The following GPC6 variants were observed in gnomAD, a reference collection of about 807,000 sequenced individuals.
GPC6 encodes glypican-6.
A neutral mutation model predicts 55.2 loss-of-function variants in GPC6; 14 were observed. The ratio of observed to expected loss-of-function variants is 0.25; its 90% CI spans 0.17 to 0.40. GPC6 has a LOEUF of 0.40. GPC6 is among the 10% of genes least tolerant of loss of function. The pLI is 1.00. For missense variants in GPC6, 641 were observed against 708.5 expected, an observed-to-expected ratio of 0.90 and a Z score of 1.08; for synonymous variants, 278 against 259.6, an observed-to-expected ratio of 1.07 and a Z score of -0.68.
At chr13:93,661,416 T>C (rs1304765860) in intron 2 of GPC6, among the ~76,000 whole-genome samples, 1 of 152,000 alleles carries the variant, frequency 6.6e-6, no homozygotes, top group East Asian at 1.9e-4. Context: ...TATTCACCAT[T>C]TTGGCCAGGC....
chr13:93,476,454 A>G (rs1038145740), intron 1 of GPC6, among the ~76,000 whole-genome samples: 2 of 152,134 alleles, frequency 1.3e-5, no homozygotes, highest in Non-Finnish European at 2.9e-5. Flanking sequence ...AAGTTGCCCA[A>G]CTTGTTTCAA....
intron 2 of GPC6, among the ~76,000 whole-genome samples, chr13:93,722,787 C>T (rs1404061686): frequency 6.6e-6 from 1 of 151,902 alleles, no homozygotes; most frequent in Non-Finnish European, 1.5e-5. Flanking sequence ...TCTGTTCCCT[C>T]TGTTCCATTC....
intron 2 of GPC6, among the ~76,000 whole-genome samples, chr13:93,636,594 G>T (rs1440760877): frequency 1.3e-5 from 2 of 152,112 alleles, no homozygotes; most frequent in African/African-American, 2.4e-5. Context: ...GCAGCTATAA[G>T]AGCCACTGCA....
chr13:93,864,814 A>G (rs911393014), intron 3 of GPC6, among the ~76,000 whole-genome samples: 4 of 151,666 alleles, frequency 2.6e-5, no homozygotes, highest in African/African-American at 9.7e-5. Flanking sequence ...CCAAATGTAG[A>G]ACTCTAACCA....
At chr13:93,248,662 C>T (rs1191303140) in intron 1 of GPC6, among the ~76,000 whole-genome samples, 1 of 152,126 alleles carries the variant, frequency 6.6e-6, no homozygotes, top group African/African-American at 2.4e-5. Context: ...TGCTCATTAC[C>T]TCCCGGGCAC....
intron 3 of GPC6, among the ~76,000 whole-genome samples, chr13:93,886,758 T>TG (rs1030456139): frequency 2.0e-5 from 3 of 148,286 alleles, no homozygotes; most frequent in African/African-American, 7.4e-5. Context: ...CATTTTTTTT[T>TG]TGTTTTTTTT....
intron 2 of GPC6, among the ~76,000 whole-genome samples, chr13:93,641,504 A>G (rs770580904): frequency 5.9e-5 from 9 of 152,134 alleles, no homozygotes; most frequent in Non-Finnish European, 1.0e-4. Flanking sequence ...GATAGTAATA[A>G]TAGGTACCTC....
At chr13:94,033,866 A>G (rs966754955) in intron 4 of GPC6, among the ~76,000 whole-genome samples, 2 of 152,198 alleles carry the variant, frequency 1.3e-5, no homozygotes, top group Non-Finnish European at 2.9e-5. Context: ...TTTATGTAAT[A>G]CAAGAGCCTA....
chr13:93,559,890 G>A (rs752594186), intron 2 of GPC6, among the ~76,000 whole-genome samples: 2 of 152,164 alleles, frequency 1.3e-5, no homozygotes, highest in Non-Finnish European at 2.9e-5. Context: ...TTCACTAACT[G>A]TGGTTAATAT....
chr13:93,411,862 G>A (rs1876506631), intron 1 of GPC6, among the ~76,000 whole-genome samples: 1 of 151,846 alleles, frequency 6.6e-6, no homozygotes, highest in South Asian at 2.1e-4. Context: ...CACTAGCCTG[G>A]CTTGGTGGTG....
At chr13:93,361,538 T>TAA (rs1171189106) in intron 1 of GPC6, among the ~76,000 whole-genome samples, 2 of 152,196 alleles carry the variant, frequency 1.3e-5, no homozygotes, top group Non-Finnish European at 2.9e-5. Flanking sequence ...TGCAAGAGAT[T>TAA]AAATATTTCC....
intron 2 of GPC6, among the ~76,000 whole-genome samples, chr13:93,761,912 C>A (rs894066487): frequency 6.6e-6 from 1 of 152,058 alleles, no homozygotes; most frequent in African/African-American, 2.4e-5. Context: ...TGGAAATATA[C>A]ATTATTATTA....
At chr13:94,336,446 C>T (rs779140952) in intron 6 of GPC6, among the ~76,000 whole-genome samples, 1 of 152,092 alleles carries the variant, frequency 6.6e-6, no homozygotes, top group Non-Finnish European at 1.5e-5. Flanking sequence ...TTTAAAGCCC[C>T]GTAGTCTTTC....
chr13:93,558,371 C>T (rs1045457310), intron 2 of GPC6, among the ~76,000 whole-genome samples: 6 of 152,002 alleles, frequency 3.9e-5, no homozygotes, highest in South Asian at 2.1e-4. Flanking sequence ...GAATGCTGAT[C>T]GGTACCATGA....
intron 6 of GPC6, among the ~76,000 whole-genome samples, chr13:94,366,492 C>T (rs886392972): frequency 1.3e-5 from 2 of 152,158 alleles, no homozygotes; most frequent in Admixed American, 6.5e-5. Context: ...ATGGTAGGAG[C>T]AGAGGTCAGG....
chr13:93,952,768 G>GAGATGTGGGTGTGTATATATGTGTA (rs1209115005), intron 3 of GPC6, among the ~76,000 whole-genome samples: 28 of 149,682 alleles, frequency 1.9e-4, no homozygotes, highest in Non-Finnish European at 3.6e-4. Flanking sequence ...GTGTGTGTGT[G>GAGATGTGGGTGTGTATATATGTGTA]AGATGTGGGT....
intron 3 of GPC6, among the ~76,000 whole-genome samples, chr13:93,959,175 T>C (rs9524285): frequency 0.14 from 21,357 of 151,404 alleles, 1,755 homozygotes; most frequent in East Asian, 0.26. Context: ...TTTTTTTTTT[T>C]CCCTTGAGGC....
intron 5 of GPC6, among the ~76,000 whole-genome samples, chr13:94,287,293 C>T (rs1278959781): frequency 6.6e-6 from 1 of 152,134 alleles, no homozygotes; most frequent in Non-Finnish European, 1.5e-5. Context: ...ACCCAGTGAC[C>T]GAGTGATTGC....
intron 2 of GPC6, among the ~76,000 whole-genome samples, chr13:93,793,528 A>G (rs546761004): frequency 3.1e-4 from 47 of 152,278 alleles, no homozygotes; most frequent in Non-Finnish European, 5.3e-4. Flanking sequence ...TAACTTTTGC[A>G]TTCTCTTTCC....
Sources: allele counts gnomAD v4.1 joint callset (sites outside exome capture counted in the v4.1 genomes callset), GRCh38; gene constraint gnomAD v4.1.1; transcripts MANE v1.5; gene names NCBI Gene and HGNC (gene_info 2026-07-23, HGNC 2026-07-21).